Variants in PIBF1 observed in about 807,000 individuals in gnomAD.
The protein encoded by PIBF1 is progesterone immunomodulatory binding factor 1, also known as progesterone-induced-blocking factor 1.
Under a neutral mutation model 112.5 loss-of-function variants are expected in PIBF1, and 90 were observed. The observed-to-expected ratio is 0.80, with a 90% CI of 0.67 to 0.95. PIBF1 has a LOEUF of 0.95. PIBF1 is among the 40% of genes least tolerant of loss of function. The pLI is 0.00. For missense variants in PIBF1, 915 were observed against 852.3 expected (o/e 1.07, Z -0.92); for synonymous variants, 301 against 288.6 (o/e 1.04, Z -0.44).
At chr13:72,824,949 C>T (rs1313563216) in intron 6 of PIBF1, among the ~76,000 whole-genome samples, 1 of 152,096 alleles carries the variant, frequency 6.6e-6, no homozygotes, top group Non-Finnish European at 1.5e-5. Flanking sequence ...TGCCCAAGTG[C>T]CTAACCTGAA....
intron 13 of PIBF1, among the ~76,000 whole-genome samples, chr13:72,928,070 T>C (rs1451380083): frequency 6.8e-6 from 1 of 146,566 alleles, no homozygotes; most frequent in African/African-American, 2.5e-5. Context: ...GAAATGTGTT[T>C]TACTGTTCTT....
intron 14 of PIBF1, among the ~76,000 whole-genome samples, chr13:72,952,101 C>T (rs1045061462): frequency 2.8e-5 from 4 of 142,702 alleles, no homozygotes; most frequent in Non-Finnish European, 6.0e-5. Context: ...GTGACACAAT[C>T]GCGGCTCACT....
intron 14 of PIBF1, among the ~76,000 whole-genome samples, chr13:72,931,938 C>CTTTTTTTT (rs59274277): frequency 9.9e-6 from 1 of 100,836 alleles, no homozygotes; most frequent in African/African-American, 3.9e-5. Context: ...TTGTTTCTTT[C>CTTTTTTTT]TTTTTTTTTT....
At chr13:72,843,357 C>T (rs2037695862) in intron 9 of PIBF1, among the ~76,000 whole-genome samples, 1 of 152,198 alleles carries the variant, frequency 6.6e-6, no homozygotes, top group Non-Finnish European at 1.5e-5. Context: ...ACGACCCCAA[C>T]TTTTCTACCT....
At chr13:72,931,412 A>C (rs559295332) in intron 14 of PIBF1, 145 bp downstream of exon 14, 2 of 671,324 alleles carry the variant, frequency 3.0e-6, no homozygotes, top group East Asian at 5.6e-5. Context: ...CTGAATGTTA[A>C]GGCCATAAAA....
intron 17 of PIBF1, among the ~76,000 whole-genome samples, chr13:73,004,758 C>T (rs895548265): frequency 6.6e-6 from 1 of 152,070 alleles, no homozygotes; most frequent in Admixed American, 6.6e-5. Flanking sequence ...TTGTCAGGGG[C>T]TAGGGGGTAT....
chr13:72,824,082 C>T (rs1329051962), intron 6 of PIBF1, among the ~76,000 whole-genome samples: 3 of 152,044 alleles, frequency 2.0e-5, no homozygotes, highest in Non-Finnish European at 4.4e-5. Context: ...GGCACGATCT[C>T]GGCTCACTGC....
At chr13:72,913,635 G>T (rs939212052) in intron 12 of PIBF1, among the ~76,000 whole-genome samples, 1 of 151,922 alleles carries the variant, frequency 6.6e-6, no homozygotes, top group South Asian at 2.1e-4. Flanking sequence ...AATGAACCAG[G>T]CATGGTGGTG....
At chr13:72,883,767 C>T (rs766336047) in intron 10 of PIBF1, among the ~76,000 whole-genome samples, 4 of 152,162 alleles carry the variant, frequency 2.6e-5, no homozygotes, top group African/African-American at 4.8e-5. Flanking sequence ...GAATTACAAG[C>T]GTGAGTCACC....
intron 9 of PIBF1, among the ~76,000 whole-genome samples, chr13:72,853,148 T>C (rs1003750851): frequency 1.3e-5 from 2 of 152,190 alleles, no homozygotes; most frequent in African/African-American, 4.8e-5. Context: ...AAGGCAAAAG[T>C]TTTGATCTTT....
intron 17 of PIBF1, among the ~76,000 whole-genome samples, chr13:73,008,780 C>T (rs547708038): frequency 4.4e-4 from 67 of 152,296 alleles, no homozygotes; most frequent in Admixed American, 2.6e-3. Flanking sequence ...CTGTACTATA[C>T]GGTGCTCAAA....
intron 9 of PIBF1, among the ~76,000 whole-genome samples, chr13:72,848,757 G>A (rs968530981): frequency 1.3e-5 from 2 of 151,858 alleles, no homozygotes; most frequent in Non-Finnish European, 2.9e-5. Context: ...GCATGAACCC[G>A]GGAAGCGGAG....
At chr13:72,893,033 A>G (rs1239166186) in intron 10 of PIBF1, among the ~76,000 whole-genome samples, 3 of 152,200 alleles carry the variant, frequency 2.0e-5, no homozygotes, top group Non-Finnish European at 4.4e-5. Context: ...ATTTGAATAA[A>G]TGAATTTTAA....
At chr13:72,950,670 C>A (rs1291071824) in intron 14 of PIBF1, among the ~76,000 whole-genome samples, 1 of 152,042 alleles carries the variant, frequency 6.6e-6, no homozygotes, top group Non-Finnish European at 1.5e-5. Flanking sequence ...GTACTAATAT[C>A]AAATTCATTC....
At chr13:72,821,349 C>T (rs1345199366) in intron 5 of PIBF1, among the ~76,000 whole-genome samples, 5 of 152,064 alleles carry the variant, frequency 3.3e-5, no homozygotes, top group Admixed American at 6.6e-5. Context: ...AGATGTGTTT[C>T]GAGGGTCACA....
Position 72,783,407 on chromosome 13 carries a change from G to GT in PIBF1, c.-47-10dup, listed in dbSNP as rs1593866808. On this transcript the variant is annotated splice_polypyrimidine_tract_variant and intron_variant, in intron 1 of 17. Coordinates refer to ENST00000326291, the MANE Select transcript of PIBF1 (RefSeq NM_006346.4). Reference sequence around the variant, plus strand: ...AATTTTATAGTACATTTGAATTAATGTTTTTTAACCTACAGAATATTAAAA... The same window carrying GT: ...AATTTTATAGTACATTTGAATTAATGTTTTTTTAACCTACAGAATATTAAAA... 1 of 1,119,514 alleles carries GT rather than the reference G, an allele frequency of 8.9e-7. No homozygotes were observed. The highest frequency in any genetic ancestry group is 1.3e-6 in the Non-Finnish European group (1 of 766,546). The allele number at this position is 1,119,514 out of a possible 1,614,324, so 69.3% of individuals were successfully genotyped here.
chr13:72,895,287 A>G (rs2040237584), intron 11 of PIBF1, among the ~76,000 whole-genome samples: 1 of 150,292 alleles, frequency 6.7e-6, no homozygotes, highest in Non-Finnish European at 1.5e-5. Context: ...CATAAAATTC[A>G]TAAATTTTTA....
intron 17 of PIBF1, among the ~76,000 whole-genome samples, chr13:73,010,810 C>CTTTTTTTTTTTTTTTTTTTTTTTT (rs1176079981): frequency 2.5e-5 from 1 of 40,306 alleles, no homozygotes; most frequent in Non-Finnish European, 4.4e-5. Context: ...ATTAACTTTT[C>CTTTTTTTTTTTTTTTTTTTTTTTT]TTTTTTTTTT....
chr13:72,797,132 A>G (rs1422782412), intron 4 of PIBF1, among the ~76,000 whole-genome samples: 2 of 152,146 alleles, frequency 1.3e-5, no homozygotes, highest in African/African-American at 4.8e-5. Context: ...AATGGAAGTA[A>G]TGATGTGAAA....
Sources: gnomAD v4.1 joint callset for allele counts (sites outside exome capture counted in the v4.1 genomes callset) on GRCh38, gnomAD v4.1.1 for gene constraint, MANE v1.5 for transcripts, NCBI Gene and HGNC (gene_info 2026-07-23, HGNC 2026-07-21) for gene names.